Variants in IWS1 observed in about 807,000 individuals in gnomAD.
The protein encoded by IWS1 is protein IWS1 homolog.
IWS1 carries 27 observed loss-of-function variants against 86.7 expected under a neutral mutation model. The observed-to-expected ratio is 0.31, with a 90% confidence interval of 0.23 to 0.43. The LOEUF is 0.43. Among genes scored for constraint, IWS1 ranks in the 20% least tolerant of loss-of-function variants. The pLI, the probability that IWS1 is intolerant of heterozygous loss-of-function variation, is 1.00. For missense variants in IWS1, 827 were observed against 1,000.8 expected (o/e 0.83, Z 2.34); for synonymous variants, 313 against 335.1 (o/e 0.93, Z 0.72).
intron 13 of IWS1, among the ~76,000 whole-genome samples, chr2:127,486,201 G>A (rs181067491): frequency 5.9e-5 from 9 of 152,156 alleles, no homozygotes; most frequent in East Asian, 3.9e-4. Flanking sequence ...GCTGAAGCAC[G>A]TAAGCTCTGT....
At chr2:127,494,656 T>A (rs1690419624) in intron 8 of IWS1, 2 of 359,164 alleles carry the variant, frequency 5.6e-6, no homozygotes, top group Non-Finnish European at 1.0e-5. Flanking sequence ...AGTTTTTCTT[T>A]CGTTAGTATC....
intron 2 of IWS1, among the ~76,000 whole-genome samples, chr2:127,523,458 T>C (rs940589841): frequency 6.6e-6 from 1 of 152,202 alleles, no homozygotes; most frequent in Non-Finnish European, 1.5e-5. Flanking sequence ...TGCCTAACAT[T>C]TGAAATGTGA....
At chr2:127,485,063 T>C (rs528943192) in intron 13 of IWS1, among the ~76,000 whole-genome samples, 1 of 151,464 alleles carries the variant, frequency 6.6e-6, no homozygotes, top group African/African-American at 2.4e-5. Flanking sequence ...ACAGGGGACA[T>C]GGAGAGGTGG....
At chr2:127,496,727 T>C (rs962630753) in intron 6 of IWS1, among the ~76,000 whole-genome samples, 3 of 152,064 alleles carry the variant, frequency 2.0e-5, no homozygotes, top group South Asian at 4.1e-4. Flanking sequence ...CCACACAACA[T>C]GCCTGGCTAA....
At position 127,496,115 on chromosome 2, in the gene IWS1, C is replaced by A; in HGVS notation, c.1599G>T (p.Leu533Phe). ...MDFLSDFEMM[L>F]QRKKSMSGKR... ...TGCCACTCATGCTCTTTTTTCGCTGCAACATCATCTCAAAATCTGACAGAA... is the reference window on the plus strand; with the variant it reads ...TGCCACTCATGCTCTTTTTTCGCTGAAACATCATCTCAAAATCTGACAGAA... The change falls in exon 7 of 14, where the codon TTG becomes TTT. Residue 533 changes from leucine to phenylalanine, a missense_variant. Around this residue, in one of 2 missense-constraint regions of IWS1, gnomAD observed 279 missense variants for 440.6 expected, o/e 0.63. Coordinates refer to ENST00000295321, the MANE Select transcript of IWS1 (RefSeq NM_017969.3). The A allele has an allele frequency of 1.9e-6, 3 of 1,613,782 alleles. No homozygotes were observed. The highest frequency in any genetic ancestry group is 2.5e-6 in the Non-Finnish European group (3 of 1,179,888).
chr2:127,515,634 C>A (rs768960809), intron 2 of IWS1, among the ~76,000 whole-genome samples: 2 of 152,196 alleles, frequency 1.3e-5, no homozygotes, highest in Non-Finnish European at 1.5e-5. Flanking sequence ...GCTCTACCGA[C>A]CTCCCCAGTG....
rs1397045476 is a variant in IWS1, at chr2:127,499,567, C to A, written c.1468-1330G>T. 6.6e-6 allele frequency among the ~76,000 whole-genome samples: 1 copy of A among 152,124 alleles called. No homozygotes were observed. The highest frequency in any genetic ancestry group is 6.5e-5 in the Admixed American group (1 of 15,286). On this transcript the variant is annotated intron_variant, in intron 5 of 13. Transcript: ENST00000295321. This position sits in a 1 kb window ranked among gnomAD's most constrained non-coding sequence, Gnocchi z 4.0. ...AACAGGTAAGTATACCTTATTCTTA[C>A]AATATGGTGCTTAACTAAGTATGAG... is the stretch of plus-strand genomic sequence containing the variant.
upstream of IWS1, chr2:127,526,516 G>T (rs990614019): frequency 1.4e-4 from 203 of 1,481,596 alleles, no homozygotes; most frequent in Admixed American, 3.7e-4. Flanking sequence ...GGAATGCAGC[G>T]CGCAGGCGCC....
intron 1 of IWS1, among the ~76,000 whole-genome samples, chr2:127,524,897 G>GT (rs1367259524): frequency 1.4e-5 from 1 of 70,678 alleles, no homozygotes. Flanking sequence ...TTTTGTTTTT[G>GT]TTTTTTTTGA....
At position 127,480,934 on chromosome 2, in the gene IWS1, C is replaced by T. The variant is rs1689592696; in HGVS notation, c.*110G>A. Reference sequence around the variant, plus strand: ...GTGAGTCCTATGACAACATCTGATACACGCTGAACCATTTACAGACACACT... The same window carrying T: ...GTGAGTCCTATGACAACATCTGATATACGCTGAACCATTTACAGACACACT... On this transcript the variant is annotated 3_prime_UTR_variant, in exon 14 of 14. Coordinates refer to ENST00000295321, the MANE Select transcript of IWS1 (RefSeq NM_017969.3). 1 of 1,186,914 alleles carries T rather than the reference C, an allele frequency of 8.4e-7. No homozygotes were observed. Among genetic ancestry groups the T allele is most frequent in the Non-Finnish European group, 1.2e-6 (1 of 851,802 alleles). The allele number at this position is 1,186,914 out of a possible 1,614,324, so 73.5% of individuals were successfully genotyped here.
At chr2:127,506,657 A>G (rs1428422718) in intron 2 of IWS1, 1 of 167,814 alleles carries the variant, frequency 6.0e-6, no homozygotes, top group Non-Finnish European at 1.5e-5. Context: ...ACTCCTCATA[A>G]TGGTACTTCT....
rs1382992714 is a variant in IWS1, at chr2:127,504,866, T to C, written c.1037A>G (p.Asn346Ser). The change falls in exon 3 of 14, where the codon AAT (asparagine) becomes AGT (serine). Residue 346 changes from asparagine (N) to serine (S), a missense_variant. Physicochemically the swap from Asn to Ser is conservative, Grantham distance 46 (BLOSUM62 1). This residue lies in a region of IWS1 where 548 missense variants were observed against 560.2 expected (regional missense o/e 0.98). Transcript: ENST00000295321. The part of the protein sequence containing the change: ...ENKGEDTEMQ[N>S]DSFHSDSHMD... Reference sequence around the variant, plus strand: ...ATGGCTGTCTGAATGGAAGGAGTCATTCTGCATTTCTGTATCCTCTCCCTT... The same window carrying C: ...ATGGCTGTCTGAATGGAAGGAGTCACTCTGCATTTCTGTATCCTCTCCCTT... 1.2e-6 allele frequency: 2 copies of C among 1,614,196 alleles called. No individual in the cohort carries two copies. The highest frequency in any genetic ancestry group is 1.7e-6 in the Non-Finnish European group (2 of 1,180,038).
chr2:127,486,667 G>A lies in IWS1; in HGVS notation c.2217-3C>T, dbSNP rs200043593. The A allele has an allele frequency of 2.0e-5, 32 of 1,610,234 alleles. No homozygotes were observed. Among genetic ancestry groups the A allele is most frequent in the Non-Finnish European group, 2.4e-5 (28 of 1,176,642 alleles). ...CAGGATCTCCAGGTCTAAGAGCCCT[G>A]AAAAAGGGAAGAGGAAGAGCATGCT... is the stretch of plus-strand genomic sequence containing the variant. On this transcript the variant is annotated splice_polypyrimidine_tract_variant and splice_region_variant and intron_variant, in intron 12 of 13. Coordinates refer to ENST00000295321, the MANE Select transcript of IWS1 (RefSeq NM_017969.3).
intron 5 of IWS1, 83 bp downstream of exon 5, chr2:127,502,732 G>C: frequency 1.5e-6 from 1 of 662,060 alleles, no homozygotes; most frequent in Non-Finnish European, 2.7e-6. Flanking sequence ...CTACTTATTA[G>C]AATCATCTAT....
At chr2:127,493,215 C>A in intron 9 of IWS1, 66 bp downstream of exon 9, 1 of 1,389,508 alleles carries the variant, frequency 7.2e-7, no homozygotes, top group Non-Finnish European at 9.6e-7. Flanking sequence ...GTAAACTACA[C>A]AGGTTATGAC....
intron 10 of IWS1, among the ~76,000 whole-genome samples, chr2:127,491,321 C>T (rs1573511264): frequency 6.6e-6 from 1 of 152,212 alleles, no homozygotes; most frequent in East Asian, 1.9e-4. Flanking sequence ...TAAGGAAATG[C>T]AGTAAGGTAG....
Position 127,498,131 on chromosome 2 carries a change from C to T in IWS1, c.1565+9G>A, listed in dbSNP as rs370254681. On this transcript the variant is annotated intron_variant, in intron 6 of 13. Transcript: ENST00000295321. ...TTCTCTTTAACAAATTCCTTAAAAA[C>T]AAACTTACTGTTTTCCTCTCTTTAT... 1 of 1,563,370 alleles carries T rather than the reference C, an allele frequency of 6.4e-7. No individual in the cohort carries two copies. Among genetic ancestry groups the T allele is most frequent in the Admixed American group, 1.7e-5 (1 of 58,728 alleles).
Position 127,489,918 on chromosome 2 carries a change from A to C in IWS1, c.2073T>G (p.Gly691=), listed in dbSNP as rs189271953. Residue 691 remains glycine (G), a synonymous_variant, in exon 11 of 14, where the codon GGT becomes GGG. Transcript: ENST00000295321. This position sits in a 1 kb window ranked among gnomAD's most constrained non-coding sequence, Gnocchi z 4.8. ...LINEWSRPIF[G]LTSNYKGMTR... ...TCATTCCTTTGTAGTTTGAGGTAAG[A>C]CCAAATATAGGCCTAGACCACTCAT... is the stretch of plus-strand genomic sequence containing the variant. The C allele has an allele frequency of 1.2e-6, 2 of 1,606,578 alleles. No homozygotes were observed. Among genetic ancestry groups the C allele is most frequent in the Admixed American group, 3.3e-5 (2 of 60,010 alleles).
intron 2 of IWS1, among the ~76,000 whole-genome samples, chr2:127,515,530 T>G (rs1558767280): frequency 6.6e-6 from 1 of 152,180 alleles, no homozygotes; most frequent in Non-Finnish European, 1.5e-5. Context: ...TAGGTCCCTT[T>G]GGGATTTAAA....
Sources: allele counts gnomAD v4.1 joint callset (sites outside exome capture counted in the v4.1 genomes callset), GRCh38; gene constraint gnomAD v4.1.1; regional missense constraint gnomAD v4.1.1; non-coding constraint Gnocchi (gnomAD v3.1); transcripts MANE v1.5; gene names NCBI Gene and HGNC (gene_info 2026-07-23, HGNC 2026-07-21).